UGT1A7: variants seen among roughly 807,000 people sequenced by gnomAD.
The protein encoded by UGT1A7 is UDP-glucuronosyltransferase 1A7.
A neutral mutation model predicts 45.6 loss-of-function variants in UGT1A7; 33 were observed. The observed-to-expected ratio is 0.72, with a 90% CI of 0.55 to 0.97. UGT1A7 has a LOEUF of 0.97. UGT1A7 is among the 50% of genes least tolerant of loss of function. UGT1A7 has a pLI of 0.00. For missense variants in UGT1A7, 684 were observed against 666.2 expected (o/e 1.03, Z -0.29); for synonymous variants, 274 against 250.6 (o/e 1.09, Z -0.88).
intron 1 of UGT1A7, chr2:233,714,002 A>G: frequency 3.9e-6 from 6 of 1,547,452 alleles, no homozygotes; most frequent in Non-Finnish European, 5.2e-6. Context: ...CTTCAGTGAG[A>G]TAAACTTTTA....
intron 1 of UGT1A7, among the ~76,000 whole-genome samples, chr2:233,700,533 G>A (rs1285973817): frequency 3.3e-5 from 5 of 152,126 alleles, no homozygotes; most frequent in Non-Finnish European, 4.4e-5. Flanking sequence ...ATAACTCTAG[G>A]AGAATGAGAA....
chr2:233,738,299 G>A (rs1452652479), intron 1 of UGT1A7, among the ~76,000 whole-genome samples: 1 of 152,208 alleles, frequency 6.6e-6, no homozygotes, highest in Non-Finnish European at 1.5e-5. Flanking sequence ...TCTTGGGTAT[G>A]TCTTTATAGC....
chr2:233,694,172 G>C (rs2075203496), intron 1 of UGT1A7, among the ~76,000 whole-genome samples: 1 of 152,246 alleles, frequency 6.6e-6, no homozygotes, highest in African/African-American at 2.4e-5. Flanking sequence ...AGAGGTGAAG[G>C]CTTGACTAAG....
chr2:233,690,709 T>C (rs2075004127), intron 1 of UGT1A7: 3 of 1,224,098 alleles, frequency 2.5e-6, no homozygotes, highest in Admixed American at 6.4e-5. Context: ...GGGATCGTCA[T>C]TATGACGAAC....
chr2:233,692,976 T>C (rs550082813), intron 1 of UGT1A7: 3 of 1,612,736 alleles, frequency 1.9e-6, no homozygotes, highest in Admixed American at 1.7e-5. Context: ...AAACTCTTTA[T>C]TACCGTTGTT....
At chr2:233,711,334 A>G (rs760435550) in intron 1 of UGT1A7, among the ~76,000 whole-genome samples, 1 of 152,216 alleles carries the variant, frequency 6.6e-6, no homozygotes, top group African/African-American at 2.4e-5. Flanking sequence ...ACACCACTGC[A>G]TGGAGATAGA....
chr2:233,693,345 A>G (rs1317814742), intron 1 of UGT1A7: 1 of 1,614,210 alleles, frequency 6.2e-7, no homozygotes, highest in East Asian at 2.2e-5. Flanking sequence ...GAGTACAGGA[A>G]TAACATGATT....
chr2:233,736,902 T>G lies in UGT1A7; in HGVS notation c.856-30132T>G, dbSNP rs143081248. ...GCAAATATTGCTGCCTGATCCTTCC[T>G]CTGGAAGCTTCATACCAGAGGCGCA... is the stretch of plus-strand genomic sequence containing the variant. On this transcript the variant is annotated intron_variant, in intron 1 of 4. Coordinates refer to ENST00000373426, the MANE Select transcript of UGT1A7 (RefSeq NM_019077.3). 5.7e-3 allele frequency among the ~76,000 whole-genome samples: 868 copies of G among 152,312 alleles called. 7 individuals are homozygous for G. Among genetic ancestry groups the G allele is most frequent in the African/African-American group, 0.02 (824 of 41,572 alleles).
intron 1 of UGT1A7, chr2:233,713,363 A>G (rs753739474): frequency 1.9e-6 from 3 of 1,614,204 alleles, no homozygotes; most frequent in South Asian, 2.2e-5. Context: ...CTTTGATCAT[A>G]CATAGGTCTT....
chr2:233,749,360 T>C (rs1258225347), intron 1 of UGT1A7, among the ~76,000 whole-genome samples: 1 of 151,902 alleles, frequency 6.6e-6, no homozygotes, highest in South Asian at 2.1e-4. Flanking sequence ...AAATAGTGAC[T>C]CTTGCCCTTT....
At position 233,759,547 on chromosome 2, in the gene UGT1A7, A is replaced by G. The variant is rs1173613989; in HGVS notation, c.856-7487A>G. On this transcript the variant is annotated intron_variant, in intron 1 of 4. Transcript: ENST00000373426. ...GAAGACTTCTGTTCACATGCGCTCC[A>G]GTGAATTTCCCTTTCTGGTCATTCT... Among the ~76,000 whole-genome samples the G allele has an allele frequency of 8.5e-5, 13 of 152,244 alleles. No individual in the cohort carries two copies. The East Asian group carries it at 2.5e-3, about 29-fold the overall frequency.
chr2:233,743,573 A>G (rs765598613), intron 1 of UGT1A7: 1 of 1,367,260 alleles, frequency 7.3e-7, no homozygotes, highest in South Asian at 1.1e-5. Context: ...CGGGTTTCCC[A>G]AGAGGTCAAA....
chr2:233,761,087 C>T, intron 1 of UGT1A7: 1 of 1,614,136 alleles, frequency 6.2e-7, no homozygotes. Context: ...TACCCTAGGC[C>T]CATCATGCCC....
intron 1 of UGT1A7, among the ~76,000 whole-genome samples, chr2:233,714,873 C>T (rs1233346677): frequency 6.8e-6 from 1 of 147,574 alleles, no homozygotes; most frequent in South Asian, 2.2e-4. Context: ...AAAATTCTAT[C>T]TTTTAAATTT....
At chr2:233,763,134 A>G (rs1698246018) in intron 1 of UGT1A7, among the ~76,000 whole-genome samples, 1 of 152,210 alleles carries the variant, frequency 6.6e-6, no homozygotes, top group African/African-American at 2.4e-5. Flanking sequence ...GCATTTATTG[A>G]TATAACCATA....
Position 233,682,062 on chromosome 2 carries a change from A to T in UGT1A7, c.125A>T (p.Gln42Leu), listed in dbSNP as rs754287322. The T allele has an allele frequency of 6.2e-7, 1 of 1,614,126 alleles. No individual in the cohort carries two copies. The highest frequency in any genetic ancestry group is 1.7e-5 in the Admixed American group (1 of 59,990). Residue 42 changes from glutamine to leucine, a missense_variant, in exon 1 of 5, where the codon CAG (glutamine) becomes CTG (leucine). Physicochemically the swap from Gln to Leu is moderately radical, Grantham distance 113 (BLOSUM62 -2). Coordinates refer to ENST00000373426, the MANE Select transcript of UGT1A7 (RefSeq NM_019077.3). Reference sequence around the variant, plus strand: ...GATGGGAGCCACTGGTTCACCATGCAGTCGGTGGTGGAGAAACTCATCCTC... The same window carrying T: ...GATGGGAGCCACTGGTTCACCATGCTGTCGGTGGTGGAGAAACTCATCCTC... The part of the protein sequence containing the change: ...PMDGSHWFTM[Q>L]SVVEKLILRG...
In UGT1A7 at chr2:233,729,557, C is replaced by T. The variant is rs13406898; in HGVS notation, c.856-37477C>T. On this transcript the variant is annotated intron_variant, in intron 1 of 4. Transcript: ENST00000373426. ...GCCCTGATCAGGCACCTGAATGCTA[C>T]TTCCTTTGATGTGGTTTTAACAGAC... is the stretch of plus-strand genomic sequence containing the variant. The T allele has an allele frequency of 1.3e-3, 2,173 of 1,614,146 alleles. 29 individuals carry two copies. The African/African-American group carries it at 0.026, about 19-fold the overall frequency.
chr2:233,712,935 C>G, intron 1 of UGT1A7: 1 of 1,612,232 alleles, frequency 6.2e-7, no homozygotes, highest in East Asian at 2.2e-5. Context: ...ACGAAGGAAA[C>G]AATTCTAGGA....
At chr2:233,765,965 G>A (rs926314619) in intron 1 of UGT1A7, among the ~76,000 whole-genome samples, 1 of 152,142 alleles carries the variant, frequency 6.6e-6, no homozygotes, top group Admixed American at 6.5e-5. Flanking sequence ...AGTGTCTAGA[G>A]GTGGATGTTT....
Sources: gnomAD v4.1 joint callset for allele counts (sites outside exome capture counted in the v4.1 genomes callset) on GRCh38, gnomAD v4.1.1 for gene constraint, MANE v1.5 for transcripts, NCBI Gene and HGNC (gene_info 2026-07-23, HGNC 2026-07-21) for gene names.